Variants in DSCAM observed in about 807,000 individuals in gnomAD.
DSCAM encodes cell adhesion molecule DSCAM.
DSCAM carries 47 observed loss-of-function variants against 217.7 expected under a neutral mutation model. The ratio of observed to expected loss-of-function variants is 0.22; its 90% CI spans 0.17 to 0.28. DSCAM has a LOEUF of 0.28. DSCAM is among the 10% of genes least tolerant of loss of function. The pLI, the probability that DSCAM is intolerant of heterozygous loss-of-function variation, is 1.00. For synonymous variants in DSCAM, 1,056 were observed against 1,015.3 expected (o/e 1.04, Z -0.76); for missense variants, 2,080 against 2,618.3 (o/e 0.79, Z 4.49).
At chr21:40,705,094 C>A (rs752092319) in intron 2 of DSCAM, among the ~76,000 whole-genome samples, 1 of 152,142 alleles carries the variant, frequency 6.6e-6, no homozygotes, top group African/African-American at 2.4e-5. Flanking sequence ...GGACAAGAGA[C>A]CAGATGTGAA....
intron 1 of DSCAM, among the ~76,000 whole-genome samples, chr21:40,808,689 A>G (rs538722667): frequency 6.6e-6 from 1 of 152,054 alleles, no homozygotes; most frequent in Non-Finnish European, 1.5e-5. Context: ...CTGCTCAGGC[A>G]GGTCTCAAAC....
intron 1 of DSCAM, among the ~76,000 whole-genome samples, chr21:40,744,403 C>G (rs2091154422): frequency 1.3e-5 from 2 of 152,040 alleles, no homozygotes; most frequent in African/African-American, 2.4e-5. Context: ...GCCAGACTTC[C>G]CACAAAGCTC....
At chr21:40,410,677 T>C (rs1334870401) in intron 3 of DSCAM, among the ~76,000 whole-genome samples, 5 of 151,550 alleles carry the variant, frequency 3.3e-5, no homozygotes, top group African/African-American at 1.2e-4. Context: ...GACAAGATTT[T>C]GCCATGCAAA....
At chr21:40,766,591 C>T (rs2091392131) in intron 1 of DSCAM, among the ~76,000 whole-genome samples, 1 of 149,166 alleles carries the variant, frequency 6.7e-6, no homozygotes, top group South Asian at 2.1e-4. Flanking sequence ...CCTGGAAAGC[C>T]TCACCCAACT....
intron 3 of DSCAM, among the ~76,000 whole-genome samples, chr21:40,491,538 T>A (rs750623958): frequency 6.6e-6 from 1 of 151,860 alleles, no homozygotes; most frequent in East Asian, 1.9e-4. Context: ...TTCAAATCCA[T>A]GCAAAAGTAC....
At chr21:40,826,346 C>T (rs2091968872) in intron 1 of DSCAM, among the ~76,000 whole-genome samples, 1 of 152,154 alleles carries the variant, frequency 6.6e-6, no homozygotes, top group Non-Finnish European at 1.5e-5. Flanking sequence ...ATCCAGGTGG[C>T]CAGCATGGCT....
In DSCAM at chr21:40,206,428, A is replaced by C. The variant is rs4375957; in HGVS notation, c.2357-17190T>G. ...CCTGTGGAGCTGACTCAGTGGGTCT[A>C]GGGGGGACTCCAGAGGCTGCACATT... On this transcript the variant is annotated intron_variant, in intron 11 of 32. Coordinates refer to ENST00000400454, the MANE Select transcript of DSCAM (RefSeq NM_001389.5). Among the ~76,000 whole-genome samples, 2 of 151,968 alleles carry C rather than the reference A, an allele frequency of 1.3e-5. 1 individual carries two copies.
intron 1 of DSCAM, among the ~76,000 whole-genome samples, chr21:40,758,985 C>T (rs535165538): frequency 2.0e-4 from 30 of 152,060 alleles, no homozygotes; most frequent in Non-Finnish European, 1.3e-4. Context: ...AAATAAAGAA[C>T]GCAAGTATGC....
chr21:40,210,129 T>G (rs2091167405), intron 11 of DSCAM, among the ~76,000 whole-genome samples: 1 of 152,136 alleles, frequency 6.6e-6, no homozygotes, highest in African/African-American at 2.4e-5. Context: ...AACATGGTTT[T>G]CCTTTTCCAG....
intron 3 of DSCAM, among the ~76,000 whole-genome samples, chr21:40,556,126 G>C (rs1229494502): frequency 6.6e-6 from 1 of 152,096 alleles, no homozygotes; most frequent in Non-Finnish European, 1.5e-5. Context: ...TCACTATATA[G>C]AATAATCACC....
chr21:40,415,910 C>CATAGGTTTTATAGCTCAGATTT (rs2075367094), intron 3 of DSCAM, among the ~76,000 whole-genome samples: 1 of 152,118 alleles, frequency 6.6e-6, no homozygotes, highest in African/African-American at 2.4e-5. Context: ...ATTAATGACA[C>CATAGGTTTTATAGCTCAGATTT]ATAGGTTTTA....
At chr21:40,275,951 CA>C (rs1601509126) in intron 11 of DSCAM, 145 bp downstream of exon 11, 6 of 808,436 alleles carry the variant, frequency 7.4e-6, no homozygotes, top group Non-Finnish European at 1.1e-5. Context: ...TCCAGAACAA[CA>C]AAACTTTAAA....
chr21:40,085,918 T>G (rs775330319), intron 22 of DSCAM, among the ~76,000 whole-genome samples, 153 bp from the exon 23 acceptor site: 8 of 152,244 alleles, frequency 5.3e-5, no homozygotes, highest in Non-Finnish European at 8.8e-5. Context: ...GATTACATAA[T>G]GAAAACAATC....
intron 20 of DSCAM, among the ~76,000 whole-genome samples, chr21:40,102,657 GAT>G (rs1420003653): frequency 6.6e-6 from 1 of 152,130 alleles, no homozygotes; most frequent in East Asian, 1.9e-4. Flanking sequence ...CAGTAAATAA[GAT>G]ATAATTAGCC....
chr21:40,318,003 C>T (rs1223056887), intron 8 of DSCAM, among the ~76,000 whole-genome samples: 1 of 152,094 alleles, frequency 6.6e-6, no homozygotes, highest in African/African-American at 2.4e-5. Flanking sequence ...AGGACATGAA[C>T]TCATCATTTT....
intron 1 of DSCAM, among the ~76,000 whole-genome samples, chr21:40,800,962 C>CT (rs200592326): frequency 0.46 from 64,797 of 142,040 alleles, 16,067 homozygotes; most frequent in South Asian, 0.65. Context: ...CTTTCTTCTC[C>CT]TTTTTTTTTT....
At chr21:40,393,660 T>C (rs1407884294) in intron 3 of DSCAM, among the ~76,000 whole-genome samples, 3 of 152,204 alleles carry the variant, frequency 2.0e-5, no homozygotes, top group Non-Finnish European at 2.9e-5. Flanking sequence ...GAGCTGACCA[T>C]TATTAACATG....
At chr21:40,440,044 A>T (rs1237329162) in intron 3 of DSCAM, among the ~76,000 whole-genome samples, 1 of 122,478 alleles carries the variant, frequency 8.2e-6, no homozygotes, top group Non-Finnish European at 1.7e-5. Flanking sequence ...TTTACAAAAA[A>T]GTATTTTGTG....
chr21:40,761,807 G>T (rs2091338316), intron 1 of DSCAM, among the ~76,000 whole-genome samples: 1 of 152,036 alleles, frequency 6.6e-6, no homozygotes, highest in Non-Finnish European at 1.5e-5. Flanking sequence ...AACATGTAGA[G>T]CATCAAAACC....
Sources: allele counts gnomAD v4.1 joint callset (sites outside exome capture counted in the v4.1 genomes callset), GRCh38; gene constraint gnomAD v4.1.1; transcripts MANE v1.5; gene names NCBI Gene and HGNC (gene_info 2026-07-23, HGNC 2026-07-21).